The following DIAPH3 variants were observed in gnomAD, a reference collection of about 807,000 sequenced individuals.
The protein encoded by DIAPH3 is diaphanous related formin 3, also known as protein diaphanous homolog 3.
In DIAPH3, 117 loss-of-function variants were observed where a neutral mutation model predicts 144.3. The ratio of observed to expected loss-of-function variants is 0.81; its 90% CI spans 0.70 to 0.95. The LOEUF (loss-of-function observed/expected upper bound fraction) is 0.95. Among genes scored for constraint, DIAPH3 ranks in the 40% least tolerant of loss-of-function variants. The pLI, the probability that DIAPH3 is intolerant of heterozygous loss-of-function variation, is 0.00. For synonymous variants in DIAPH3, 519 were observed against 488.9 expected (o/e 1.06, Z -0.81); for missense variants, 1,421 against 1,412.7 (o/e 1.01, Z -0.09).
At chr13:59,926,111 G>A (rs943128403) in intron 17 of DIAPH3, among the ~76,000 whole-genome samples, 12 of 151,342 alleles carry the variant, frequency 7.9e-5, no homozygotes, top group Admixed American at 3.9e-4. Flanking sequence ...TCAGCCTCCC[G>A]TGTAACTGGG....
chr13:60,147,523 C>A (rs1274374635), intron 1 of DIAPH3, among the ~76,000 whole-genome samples: 5 of 152,070 alleles, frequency 3.3e-5, no homozygotes, highest in Non-Finnish European at 7.4e-5. Flanking sequence ...CTAAGCATTC[C>A]AGAAGATCTG....
At chr13:60,109,423 C>A (rs576883316) in intron 3 of DIAPH3, among the ~76,000 whole-genome samples, 1 of 150,486 alleles carries the variant, frequency 6.6e-6, no homozygotes, top group East Asian at 2.0e-4. Flanking sequence ...CTTCCCTCCC[C>A]CGACCCCAAT....
Position 60,139,689 on chromosome 13 carries a change from C to T in DIAPH3, c.181-6700G>A, listed in dbSNP as rs117652003. 5.9e-3 allele frequency among the ~76,000 whole-genome samples: 895 copies of T among 152,260 alleles called. 4 individuals are homozygous for T. Among genetic ancestry groups the T allele is most frequent in the Non-Finnish European group, 7.8e-3 (531 of 68,016 alleles). The stretch of plus-strand genomic sequence containing the variant: ...ATCATATTGTGGCTTGGGACTCTGA[C>T]CTAGATTGCACCCCACAGAGGCTAA... On this transcript the variant is annotated intron_variant, in intron 1 of 27. Coordinates refer to ENST00000400324, the MANE Select transcript of DIAPH3 (RefSeq NM_001042517.2).
intron 20 of DIAPH3, among the ~76,000 whole-genome samples, chr13:59,908,481 C>T (rs767355986): frequency 2.0e-5 from 3 of 148,304 alleles, no homozygotes; most frequent in Non-Finnish European, 3.0e-5. Context: ...AGATGTCTTA[C>T]TTTTACACCC....
intron 24 of DIAPH3, among the ~76,000 whole-genome samples, chr13:59,811,467 A>G (rs1008830297): frequency 2.6e-5 from 4 of 152,264 alleles, no homozygotes; most frequent in South Asian, 4.1e-4. Flanking sequence ...GGCCGGGCAC[A>G]GTGGCTCACG....
intron 27 of DIAPH3, among the ~76,000 whole-genome samples, chr13:59,708,276 GCTAGT>G (rs2034541246): frequency 6.6e-6 from 1 of 151,856 alleles, no homozygotes; most frequent in African/African-American, 2.4e-5. Flanking sequence ...TATTGCCCAG[GCTAGT>G]CTTGAACCTC....
intron 5 of DIAPH3, among the ~76,000 whole-genome samples, chr13:60,041,824 A>C (rs1421817360): frequency 1.3e-5 from 2 of 152,136 alleles, no homozygotes; most frequent in Middle Eastern, 3.2e-3. Flanking sequence ...TAGGTATTTC[A>C]TAACAACTTC....
At chr13:60,100,049 T>C (rs1406632258) in intron 3 of DIAPH3, among the ~76,000 whole-genome samples, 1 of 152,042 alleles carries the variant, frequency 6.6e-6, no homozygotes, top group Non-Finnish European at 1.5e-5. Flanking sequence ...AATAAAATGA[T>C]AGTATTAGAT....
At chr13:60,161,725 C>G (rs1427622147) in intron 1 of DIAPH3, among the ~76,000 whole-genome samples, 7 of 152,106 alleles carry the variant, frequency 4.6e-5, no homozygotes, top group Admixed American at 1.3e-4. Context: ...AGGTTGCAAA[C>G]AGCAGAACTG....
intron 21 of DIAPH3, among the ~76,000 whole-genome samples, chr13:59,878,274 A>G (rs935524855): frequency 6.6e-6 from 1 of 152,162 alleles, no homozygotes; most frequent in Non-Finnish European, 1.5e-5. Flanking sequence ...GAGGAAAATA[A>G]AAGAATGGAG....
chr13:59,938,748 T>C (rs1249529484), intron 17 of DIAPH3, among the ~76,000 whole-genome samples: 1 of 152,228 alleles, frequency 6.6e-6, no homozygotes, highest in African/African-American at 2.4e-5. Flanking sequence ...ACTAGCAGGA[T>C]TCATTTTATA....
chr13:59,865,365 T>G (rs2043855018), intron 21 of DIAPH3, among the ~76,000 whole-genome samples: 1 of 152,054 alleles, frequency 6.6e-6, no homozygotes, highest in Non-Finnish European at 1.5e-5. Flanking sequence ...TTAATTTTGT[T>G]GAAGATGAGT....
At chr13:59,884,164 G>A (rs2045281060) in intron 20 of DIAPH3, among the ~76,000 whole-genome samples, 1 of 152,092 alleles carries the variant, frequency 6.6e-6, no homozygotes, top group African/African-American at 2.4e-5. Context: ...GAACCCTGTT[G>A]TGAACTATGC....
At chr13:59,733,115 T>G (rs1424720331) in intron 27 of DIAPH3, among the ~76,000 whole-genome samples, 1 of 152,142 alleles carries the variant, frequency 6.6e-6, no homozygotes, top group East Asian at 1.9e-4. Context: ...TTATCTACAT[T>G]CTTTAATTTC....
At chr13:59,963,103 A>G (rs1450451264) in intron 17 of DIAPH3, among the ~76,000 whole-genome samples, 1 of 152,192 alleles carries the variant, frequency 6.6e-6, no homozygotes, top group African/African-American at 2.4e-5. Context: ...TGAAACATCC[A>G]TTCTTTTAAG....
In DIAPH3 at chr13:59,911,767, T is replaced by A; in HGVS notation, c.2335A>T (p.Asn779Tyr). ...SLSQFKSEYS[N>Y]LCEPEQFVVV... ...ACAAACTGCTCAGGTTCACATAAGT[T>A]GCTATATTCACTCTTGAACTGAGAC... is the stretch of plus-strand genomic sequence containing the variant. The change falls in exon 20 of 28, where the codon AAC (asparagine) becomes TAC (tyrosine). Residue 779 changes from asparagine to tyrosine, a missense_variant. Physicochemically the swap from Asn to Tyr is moderately radical, Grantham distance 143 (BLOSUM62 -2). Coordinates refer to ENST00000400324, the MANE Select transcript of DIAPH3 (RefSeq NM_001042517.2). 1 of 1,613,688 alleles carries A rather than the reference T, an allele frequency of 6.2e-7. No homozygotes were observed.
chr13:60,008,739 C>G (rs149653498), intron 8 of DIAPH3, 90 bp from the exon 9 acceptor site: 4 of 810,194 alleles, frequency 4.9e-6, no homozygotes, highest in Non-Finnish European at 8.7e-6. Flanking sequence ...AGTCAATACC[C>G]TAAGCAGCCA....
At chr13:59,668,499 A>G (rs971215024) in intron 27 of DIAPH3, among the ~76,000 whole-genome samples, 3 of 152,210 alleles carry the variant, frequency 2.0e-5, no homozygotes, top group African/African-American at 7.2e-5. Context: ...ATATGGGTAT[A>G]GAATATGAAA....
Position 60,121,526 on chromosome 13 carries a change from C to T in DIAPH3, c.214-9340G>A, listed in dbSNP as rs188642364. Among the ~76,000 whole-genome samples, 102 of 152,282 alleles carry T rather than the reference C, an allele frequency of 6.7e-4. 2 individuals are homozygous for T. The highest frequency in any genetic ancestry group is 2.4e-3 in the African/African-American group (99 of 41,542). ...CAAGGAGGAACCAACAGGTTGTATA[C>T]TCTGATGGTTTATGCTTCAAAGAGA... is the stretch of plus-strand genomic sequence containing the variant. On this transcript the variant is annotated intron_variant, in intron 2 of 27. Transcript: ENST00000400324.
Sources: gnomAD v4.1 joint callset for allele counts (sites outside exome capture counted in the v4.1 genomes callset) on GRCh38, gnomAD v4.1.1 for gene constraint, MANE v1.5 for transcripts, NCBI Gene and HGNC (gene_info 2026-07-23, HGNC 2026-07-21) for gene names.